Variants in NR3C1 observed in about 807,000 individuals in gnomAD.
The protein encoded by NR3C1 is glucocorticoid receptor.
In NR3C1, 14 loss-of-function variants were observed where a neutral mutation model predicts 74.0. The ratio of observed to expected loss-of-function variants is 0.19; its 90% CI spans 0.12 to 0.30. The LOEUF (loss-of-function observed/expected upper bound fraction) is 0.30. Ranked by LOEUF, NR3C1 falls within the 10% of genes least tolerant of loss-of-function variation. The pLI is 1.00. For synonymous variants in NR3C1, 308 were observed against 332.5 expected (o/e 0.93, Z 0.80); for missense variants, 695 against 909.8 (o/e 0.76, Z 3.04).
intron 1 of NR3C1, among the ~76,000 whole-genome samples, chr5:143,414,181 A>G (rs970153435): frequency 6.6e-6 from 1 of 152,188 alleles, no homozygotes; most frequent in Non-Finnish European, 1.5e-5. Flanking sequence ...TCTCCACTTA[A>G]TTGGGCCTTT....
chr5:143,334,651 C>A (rs1048471659), intron 2 of NR3C1, among the ~76,000 whole-genome samples: 2 of 151,208 alleles, frequency 1.3e-5, no homozygotes, highest in African/African-American at 4.9e-5. Context: ...AGTCCTGGGG[C>A]CTTGTTTTGA....
At position 143,310,079 on chromosome 5, in the gene NR3C1, T is replaced by G; in HGVS notation, c.1468+18A>C. On this transcript the variant is annotated intron_variant, in intron 4 of 8. Coordinates refer to ENST00000394464, the MANE Select transcript of NR3C1 (RefSeq NM_000176.3). ...TAAGCTACAGAGACAAACAATTGCT[T>G]TCAGATATTTATATTACCTTCCAGG... The G allele has an allele frequency of 6.4e-7, 1 of 1,551,974 alleles. No individual in the cohort carries two copies. The highest frequency in any genetic ancestry group is 8.9e-7 in the Non-Finnish European group (1 of 1,123,550).
At chr5:143,429,121 A>G (rs897491298) in intron 1 of NR3C1, among the ~76,000 whole-genome samples, 1 of 152,238 alleles carries the variant, frequency 6.6e-6, no homozygotes, top group Non-Finnish European at 1.5e-5. Flanking sequence ...AATGATAATA[A>G]TAGTAACAGA....
Position 143,279,663 on chromosome 5 carries a change from G to A in NR3C1, c.*2226C>T, listed in dbSNP as rs1446803273. The A allele has an allele frequency of 2.6e-6, 1 of 378,656 alleles. No homozygotes were observed. Among genetic ancestry groups the A allele is most frequent in the Non-Finnish European group, 4.6e-6 (1 of 216,024 alleles). The allele number at this position is 378,656 out of a possible 1,614,324, so 23.5% of individuals were successfully genotyped here. On this transcript the variant is annotated 3_prime_UTR_variant, in exon 9 of 9. Transcript: ENST00000394464. ...AAGCATTCAAAGAAAACAAAAACAT[G>A]TCCTCATTTTATTTGGAAATAAACT...
chr5:143,408,253 C>T (rs111659019), upstream of NR3C1, among the ~76,000 whole-genome samples: 240 of 152,194 alleles, frequency 1.6e-3, no homozygotes, highest in African/African-American at 5.3e-3. Context: ...AGGAATGTAA[C>T]CTTGGGCAGG....
chr5:143,363,618 T>C (rs888759633), intron 2 of NR3C1, among the ~76,000 whole-genome samples: 4 of 151,970 alleles, frequency 2.6e-5, no homozygotes, highest in African/African-American at 9.7e-5. Flanking sequence ...ATTTTAAATA[T>C]ATTCAGTGAC....
At chr5:143,378,666 CTGTG>C (rs940078732) in intron 2 of NR3C1, among the ~76,000 whole-genome samples, 1 of 152,146 alleles carries the variant, frequency 6.6e-6, no homozygotes, top group Non-Finnish European at 1.5e-5. Context: ...TCTAGTTTTA[CTGTG>C]TGTGTGTTTC....
At chr5:143,395,809 G>A (rs922270058) in intron 2 of NR3C1, among the ~76,000 whole-genome samples, 7 of 151,782 alleles carry the variant, frequency 4.6e-5, no homozygotes, top group African/African-American at 1.7e-4. Flanking sequence ...ACCAATTAAT[G>A]CAGATGTTCC....
chr5:143,429,456 G>T (rs1163355879), intron 1 of NR3C1, among the ~76,000 whole-genome samples: 2 of 152,118 alleles, frequency 1.3e-5, no homozygotes. Flanking sequence ...TAAGAGATTT[G>T]GCAAGGTTAT....
intron 2 of NR3C1, among the ~76,000 whole-genome samples, chr5:143,377,909 G>C (rs2151877107): frequency 6.6e-6 from 1 of 152,328 alleles, no homozygotes; most frequent in Non-Finnish European, 1.5e-5. Context: ...ATGTCTGAGG[G>C]AGCTGAAGTT....
chr5:143,325,009 T>C (rs576007548), intron 2 of NR3C1, among the ~76,000 whole-genome samples: 7 of 152,362 alleles, frequency 4.6e-5, no homozygotes, highest in African/African-American at 1.7e-4. Context: ...CCATTCAACA[T>C]GTCTCTAGGA....
At chr5:143,405,871 A>G (rs2151952878), upstream of NR3C1, among the ~76,000 whole-genome samples, 1 of 152,244 alleles carries the variant, frequency 6.6e-6, no homozygotes, top group South Asian at 2.1e-4. Context: ...CTATGAGAAC[A>G]CTGCTTGACC....
chr5:143,308,635 T>G (rs1020441623), intron 4 of NR3C1, among the ~76,000 whole-genome samples: 2 of 152,196 alleles, frequency 1.3e-5, no homozygotes, highest in Non-Finnish European at 2.9e-5. Flanking sequence ...TTATTTTTCA[T>G]CTATCTAATT....
intron 1 of NR3C1, 81 bp downstream of exon 1, chr5:143,403,130 G>A: frequency 3.1e-6 from 3 of 979,442 alleles, no homozygotes; most frequent in Non-Finnish European, 3.6e-6. Flanking sequence ...GGCTCCCGCG[G>A]CGGCCCCCGA....
chr5:143,300,571 T>C lies in NR3C1; in HGVS notation c.1661A>G (p.Asp554Gly). 6.2e-7 allele frequency: 1 copy of C among 1,614,180 alleles called. No individual in the cohort carries two copies. The highest frequency in any genetic ancestry group is 8.5e-7 in the Non-Finnish European group (1 of 1,180,010). ...LYAGYDSSVPDSTWRIMTTLN... is the reference protein window; with the variant it reads ...LYAGYDSSVPGSTWRIMTTLN... ...CGTAGTCATGATCCTCCAAGTTGAG[T>C]CTGGAACAGAGCTATCATATCCTGC... The change falls in exon 5 of 9, where the codon GAC (aspartate) becomes GGC (glycine). Residue 554 changes from aspartate (D) to glycine (G), a missense_variant. Coordinates refer to ENST00000394464, the MANE Select transcript of NR3C1 (RefSeq NM_000176.3). This position sits in a 1 kb window ranked among gnomAD's most constrained non-coding sequence, Gnocchi z 5.2.
chr5:143,350,974 G>T (rs1302195171), intron 2 of NR3C1, among the ~76,000 whole-genome samples: 4 of 152,120 alleles, frequency 2.6e-5, no homozygotes, highest in African/African-American at 7.2e-5. Flanking sequence ...TGAATGGAGT[G>T]GAAGCAGAAA....
intron 2 of NR3C1, among the ~76,000 whole-genome samples, chr5:143,372,014 C>T (rs1286049683): frequency 6.6e-6 from 1 of 152,144 alleles, no homozygotes; most frequent in Non-Finnish European, 1.5e-5. Context: ...GTACCAAACA[C>T]TATATATACT....
intron 2 of NR3C1, among the ~76,000 whole-genome samples, chr5:143,315,474 C>A (rs1821881184): frequency 6.6e-6 from 1 of 152,128 alleles, no homozygotes; most frequent in East Asian, 1.9e-4. Context: ...ATCATCTATA[C>A]AAGTTCATAA....
At chr5:143,347,341 C>T (rs1019684568) in intron 2 of NR3C1, among the ~76,000 whole-genome samples, 9 of 152,158 alleles carry the variant, frequency 5.9e-5, no homozygotes, top group Admixed American at 4.6e-4. Context: ...CACACAGACA[C>T]ACACACACAC....
Sources: allele counts gnomAD v4.1 joint callset (sites outside exome capture counted in the v4.1 genomes callset), GRCh38; gene constraint gnomAD v4.1.1; non-coding constraint Gnocchi (gnomAD v3.1); transcripts MANE v1.5; gene names NCBI Gene and HGNC (gene_info 2026-07-23, HGNC 2026-07-21).